The following DACH2 variants were observed in gnomAD, a reference collection of about 807,000 sequenced individuals.
The protein encoded by DACH2 is dachshund family transcription factor 2.
Under a neutral mutation model 35.8 loss-of-function variants are expected in DACH2, and 17 were observed. The observed-to-expected ratio is 0.48, with a 90% confidence interval of 0.33 to 0.71. The LOEUF is 0.71. Ranked by LOEUF, DACH2 falls within the 30% of genes least tolerant of loss-of-function variation. The pLI, the probability that DACH2 is intolerant of heterozygous loss-of-function variation, is 0.02. For synonymous variants in DACH2, 195 were observed against 177.3 expected (o/e 1.10, Z -0.79); for missense variants, 469 against 472.7 (o/e 0.99, Z 0.07).
intron 1 of DACH2, among the ~76,000 whole-genome samples, chrX:86,273,114 T>C (rs943724054): frequency 8.9e-6 from 1 of 112,207 alleles, no homozygotes; most frequent in Non-Finnish European, 1.9e-5. Flanking sequence ...AATGCATTCA[T>C]GTTTCTATTT....
At chrX:86,527,621 T>C (rs1012349501) in intron 3 of DACH2, among the ~76,000 whole-genome samples, 1 of 112,523 alleles carries the variant, frequency 8.9e-6, no homozygotes, top group Admixed American at 9.4e-5. Flanking sequence ...GGAGTTCTTT[T>C]ACCAGTTTTT....
At chrX:86,432,557 A>G (rs2037001362) in intron 2 of DACH2, among the ~76,000 whole-genome samples, 1 of 112,061 alleles carries the variant, frequency 8.9e-6, no homozygotes, top group South Asian at 3.7e-4. Context: ...GAGGTGTTTC[A>G]AATGTCCTAG....
At chrX:86,426,258 A>G (rs1410627859) in intron 2 of DACH2, among the ~76,000 whole-genome samples, 1 of 110,964 alleles carries the variant, frequency 9.0e-6, no homozygotes, top group Admixed American at 9.6e-5. Context: ...TGTGTGCTAC[A>G]TACGTGCACA....
intron 1 of DACH2, among the ~76,000 whole-genome samples, chrX:86,364,449 A>G (rs908357236): frequency 2.1e-4 from 23 of 111,712 alleles, no homozygotes; most frequent in African/African-American, 7.5e-4. Flanking sequence ...AGGAAGGCCT[A>G]TTTGCCCTGG....
chrX:86,815,417 A>C (rs1457403350), intron 10 of DACH2, among the ~76,000 whole-genome samples: 2 of 110,081 alleles, frequency 1.8e-5, no homozygotes, highest in Non-Finnish European at 3.8e-5. Context: ...TTTCAAGTAA[A>C]TGTTCAAGTA....
At chrX:86,540,188 A>G (rs891663948) in intron 3 of DACH2, among the ~76,000 whole-genome samples, 2 of 112,127 alleles carry the variant, frequency 1.8e-5, no homozygotes, top group Non-Finnish European at 3.8e-5. Context: ...TTCTTCTGCT[A>G]CTGAGTGGTT....
rs376019119 is a variant in DACH2, at chrX:86,466,642, A to G, written c.528-47637A>G. Among the ~76,000 whole-genome samples the G allele has an allele frequency of 3.6e-5, 4 of 112,113 alleles. No homozygotes were observed. The East Asian group carries it at 1.1e-3, about 31-fold the overall frequency. ...ATAAAAAGTAAGCTAGTTACTTCTTAGGTACAATGGGGGTATAGGTATTGT... is the reference window on the plus strand; with the variant it reads ...ATAAAAAGTAAGCTAGTTACTTCTTGGGTACAATGGGGGTATAGGTATTGT... On this transcript the variant is annotated intron_variant, in intron 2 of 11. Coordinates refer to ENST00000373125, the MANE Select transcript of DACH2 (RefSeq NM_053281.3).
chrX:86,468,233 G>T (rs1453311819), intron 2 of DACH2, among the ~76,000 whole-genome samples: 1 of 111,362 alleles, frequency 9.0e-6, no homozygotes, highest in African/African-American at 3.3e-5. Flanking sequence ...ATGGCAAAAA[G>T]AAAATATTAT....
rs2035570560 is a variant in DACH2, at chrX:86,350,186, T to TCTTTCTATCTTTTATTTTAG, written c.489-26638_489-26637insCTTTCTATCTTTTATTTTAG. 2.7e-4 allele frequency among the ~76,000 whole-genome samples: 5 copies of TCTTTCTATCTTTTATTTTAG among 18,661 alleles called. 2 individuals carry two copies. The highest frequency in any genetic ancestry group is 1.6e-3 in the African/African-American group (5 of 3,122). 16.2% of individuals were successfully genotyped at this position (18,661 alleles called of 115,157 possible). A position where few individuals can be genotyped will look rare whatever the true frequency, so the allele number is the denominator to read the frequency against. On this transcript the variant is annotated intron_variant, in intron 1 of 11. Transcript: ENST00000373125. ...CTGTCTCAAAAACAAAACAAGTGTC[T>TCTTTCTATCTTTTATTTTAG]GTTCATGTCCTTCGCCCACTTTTTG...
intron 3 of DACH2, among the ~76,000 whole-genome samples, chrX:86,611,106 C>T (rs966956955): frequency 2.7e-5 from 3 of 110,186 alleles, no homozygotes; most frequent in Non-Finnish European, 5.7e-5. Flanking sequence ...TATTCAGGGC[C>T]CAAGGTCTCT....
chrX:86,408,433 C>T (rs949575085), intron 2 of DACH2, among the ~76,000 whole-genome samples: 3 of 111,444 alleles, frequency 2.7e-5, no homozygotes, highest in Non-Finnish European at 5.6e-5. Flanking sequence ...GAAAGCATTC[C>T]TCTTCTCACC....
Position 86,532,790 on chromosome X carries a change from C to A in DACH2, c.640+18399C>A, listed in dbSNP as rs369534746. 2.8e-4 allele frequency among the ~76,000 whole-genome samples: 31 copies of A among 110,918 alleles called. No individual in the cohort carries two copies. In the East Asian group the frequency reaches 5.1e-3, roughly 18 times the overall value. On this transcript the variant is annotated intron_variant, in intron 3 of 11. Coordinates refer to ENST00000373125, the MANE Select transcript of DACH2 (RefSeq NM_053281.3). ...TAAGCTCATTCCTTTCTGAAGGTGA[C>A]ATCTGTTGAAGTTTATGATCTCAAT... is the stretch of plus-strand genomic sequence containing the variant.
At chrX:86,580,522 T>C (rs1164206768) in intron 3 of DACH2, among the ~76,000 whole-genome samples, 1 of 111,763 alleles carries the variant, frequency 8.9e-6, no homozygotes, top group Admixed American at 9.6e-5. Context: ...AAAGATGACA[T>C]GGCCGTTTTA....
At chrX:86,210,767 A>C (rs899822442) in intron 1 of DACH2, among the ~76,000 whole-genome samples, 1 of 111,939 alleles carries the variant, frequency 8.9e-6, no homozygotes, top group Non-Finnish European at 1.9e-5. Flanking sequence ...GACAACCATC[A>C]GTCTTCTAAG....
chrX:86,281,316 G>C (rs780826895), intron 1 of DACH2, among the ~76,000 whole-genome samples: 2 of 110,944 alleles, frequency 1.8e-5, no homozygotes, highest in Non-Finnish European at 3.8e-5. Flanking sequence ...TCAAGTTGGC[G>C]TCATCCCTCG....
At chrX:86,535,907 AC>A (rs1403538326) in intron 3 of DACH2, among the ~76,000 whole-genome samples, 1 of 111,268 alleles carries the variant, frequency 9.0e-6, no homozygotes, top group African/African-American at 3.3e-5. Flanking sequence ...CTTGAGGAAA[AC>A]CGGAATTGCA....
At chrX:86,542,813 C>A (rs778565270) in intron 3 of DACH2, among the ~76,000 whole-genome samples, 15 of 111,693 alleles carry the variant, frequency 1.3e-4, no homozygotes, top group Non-Finnish European at 1.9e-4. Flanking sequence ...TCTCAGACAT[C>A]ACAAGATTCA....
chrX:86,757,562 C>G (rs193021567), intron 7 of DACH2, among the ~76,000 whole-genome samples: 129 of 112,147 alleles, frequency 1.2e-3, no homozygotes, highest in African/African-American at 4.0e-3. Flanking sequence ...TGTTCCCACC[C>G]AAATCTCATC....
intron 3 of DACH2, among the ~76,000 whole-genome samples, chrX:86,633,822 C>T (rs1210971334): frequency 9.8e-5 from 11 of 111,900 alleles, no homozygotes. Flanking sequence ...GTACAACATA[C>T]CTGAATCAAT....
Sources: allele counts gnomAD v4.1 joint callset (sites outside exome capture counted in the v4.1 genomes callset), GRCh38; gene constraint gnomAD v4.1.1; transcripts MANE v1.5; gene names NCBI Gene and HGNC (gene_info 2026-07-23, HGNC 2026-07-21).